NBAS: variants seen among roughly 807,000 people sequenced by gnomAD.
The protein encoded by NBAS is NAG/BC035112 fusion.
In NBAS, 219 loss-of-function variants were observed where a neutral mutation model predicts 302.5. The observed-to-expected ratio is 0.72, with a 90% CI of 0.65 to 0.81. The LOEUF (loss-of-function observed/expected upper bound fraction) is 0.81. Ranked by LOEUF, NBAS falls within the 30% of genes least tolerant of loss-of-function variation. NBAS has a pLI of 0.00. For missense variants in NBAS, 2,932 were observed against 2,841.6 expected (o/e 1.03, Z -0.72); for synonymous variants, 1,118 against 1,021.6 (o/e 1.09, Z -1.80).
At chr2:15,402,949 C>T (rs1676224586) in intron 25 of NBAS, among the ~76,000 whole-genome samples, 2 of 152,060 alleles carry the variant, frequency 1.3e-5, no homozygotes, top group African/African-American at 4.8e-5. Context: ...ATTTTTTTCT[C>T]ATCTATAAAG....
the NBAS span, among the ~76,000 whole-genome samples, chr2:15,045,855 A>G: frequency 6.6e-6 from 1 of 152,218 alleles, no homozygotes; most frequent in South Asian, 2.1e-4. Flanking sequence ...CTTTTTCTCT[A>G]CCTCCTTGCC....
At chr2:15,461,889 T>C (rs1679521900) in intron 19 of NBAS, 98 bp from the exon 20 acceptor site, 3 of 708,542 alleles carry the variant, frequency 4.2e-6, no homozygotes, top group Non-Finnish European at 2.5e-6. Context: ...CCTGCCTAAA[T>C]AAATAAGGCC....
intron 38 of NBAS, among the ~76,000 whole-genome samples, chr2:15,322,599 A>G (rs1177061353): frequency 6.6e-6 from 1 of 152,158 alleles, no homozygotes; most frequent in East Asian, 1.9e-4. Flanking sequence ...AATAATGACC[A>G]ACTTTCTTTA....
rs766657369 is a variant in NBAS, at chr2:15,290,276, T to C, written c.5027+2261A>G. On this transcript the variant is annotated intron_variant, in intron 41 of 51. Transcript: ENST00000281513. ...AGACATTGACAACCCAGCTCCACAG[T>C]AGAAGAGGAAAGCAGCAAGCTGGTG... 4.6e-5 allele frequency among the ~76,000 whole-genome samples: 7 copies of C among 152,128 alleles called. No homozygotes were observed. The East Asian group carries it at 9.6e-4, about 21-fold the overall frequency.
At chr2:14,825,649 A>C in the NBAS span, among the ~76,000 whole-genome samples, 2 of 152,102 alleles carry the variant, frequency 1.3e-5, no homozygotes, top group Non-Finnish European at 2.9e-5. Context: ...TGGGGAAGAA[A>C]AAAAAATGGT....
chr2:15,208,356 G>C (rs1482056305), intron 48 of NBAS, among the ~76,000 whole-genome samples: 2 of 152,090 alleles, frequency 1.3e-5, no homozygotes, highest in African/African-American at 4.8e-5. Flanking sequence ...CTTCCACTGG[G>C]TCCCTCCCAC....
At chr2:15,264,347 T>C (rs565696195) in intron 44 of NBAS, among the ~76,000 whole-genome samples, 1 of 152,012 alleles carries the variant, frequency 6.6e-6, no homozygotes, top group East Asian at 1.9e-4. Context: ...GGAAGGAGAG[T>C]GTATTCCTTC....
the NBAS span, among the ~76,000 whole-genome samples, chr2:15,033,529 T>C: frequency 1.3e-5 from 2 of 152,312 alleles, no homozygotes; most frequent in South Asian, 4.1e-4. Flanking sequence ...GGGTGGAATG[T>C]TAAGGACTCA....
chr2:15,171,911 C>A (rs539312330), intron 51 of NBAS, among the ~76,000 whole-genome samples: 76 of 152,334 alleles, frequency 5.0e-4, no homozygotes, highest in African/African-American at 1.6e-3. Context: ...CAACCTTACA[C>A]CTTGACATCA....
chr2:15,449,307 A>G (rs1424003965), intron 21 of NBAS, among the ~76,000 whole-genome samples: 1 of 152,182 alleles, frequency 6.6e-6, no homozygotes, highest in Non-Finnish European at 1.5e-5. Context: ...TAAAAGCAAA[A>G]TAATCCCTTT....
chr2:14,960,004 G>A, the NBAS span, among the ~76,000 whole-genome samples: 3 of 152,146 alleles, frequency 2.0e-5, no homozygotes, highest in Admixed American at 6.5e-5. Flanking sequence ...ACAGCTCCAA[G>A]GTCAGTGTTT....
chr2:15,272,035 T>C lies in NBAS; in HGVS notation c.5724+3449A>G, dbSNP rs146570531. 5.1e-3 allele frequency among the ~76,000 whole-genome samples: 779 copies of C among 152,330 alleles called. 3 individuals are homozygous for C. The highest frequency in any genetic ancestry group is 0.016 in the African/African-American group (664 of 41,578). ...AAATTCACTCTCTGACTGCAGGACA[T>C]AATACTATTTGTAAATATTTTCCCC... On this transcript the variant is annotated intron_variant, in intron 44 of 51. Transcript: ENST00000281513.
chr2:14,779,922 T>C, the NBAS span, among the ~76,000 whole-genome samples: 3 of 152,216 alleles, frequency 2.0e-5, no homozygotes, highest in Non-Finnish European at 2.9e-5. Context: ...TTATTACATA[T>C]ATAACTCTCA....
chr2:15,133,274 T>C, the NBAS span, among the ~76,000 whole-genome samples: 7 of 150,236 alleles, frequency 4.7e-5, no homozygotes, highest in African/African-American at 1.7e-4. Context: ...GACGTACACA[T>C]GAGGTTTTCA....
chr2:15,217,656 G>C (rs1038879791), intron 48 of NBAS, among the ~76,000 whole-genome samples: 1 of 152,208 alleles, frequency 6.6e-6, no homozygotes. Context: ...CGTGATTAAG[G>C]TTCCCGACTC....
intron 30 of NBAS, among the ~76,000 whole-genome samples, chr2:15,378,369 C>A (rs1437524632): frequency 1.3e-5 from 2 of 152,112 alleles, no homozygotes; most frequent in African/African-American, 4.8e-5. Context: ...CTAGACACTG[C>A]AAACGAGAGT....
At chr2:15,362,117 C>T (rs765031510) in intron 32 of NBAS, among the ~76,000 whole-genome samples, 3 of 151,994 alleles carry the variant, frequency 2.0e-5, no homozygotes, top group East Asian at 1.9e-4. Context: ...ATGTCCCTAT[C>T]GATCTTCTTT....
At chr2:15,360,962 T>C (rs73197092) in intron 32 of NBAS, among the ~76,000 whole-genome samples, 2,859 of 152,266 alleles carry the variant, frequency 0.019, 103 homozygotes, top group African/African-American at 0.065. Flanking sequence ...GCCAGTAACA[T>C]AGTCATTTAG....
the NBAS span, among the ~76,000 whole-genome samples, chr2:14,947,798 C>T: frequency 4.6e-5 from 7 of 151,828 alleles, no homozygotes; most frequent in Non-Finnish European, 1.0e-4. Flanking sequence ...CTTTTATAAC[C>T]AGTTTCATGA....
Sources: allele counts gnomAD v4.1 joint callset (sites outside exome capture counted in the v4.1 genomes callset), GRCh38; gene constraint gnomAD v4.1.1; transcripts MANE v1.5; gene names NCBI Gene and HGNC (gene_info 2026-07-23, HGNC 2026-07-21).